Variants in PARP6 observed in about 807,000 individuals in gnomAD.
PARP6 encodes poly(ADP-ribose) polymerase family member 6, also known as protein mono-ADP-ribosyltransferase PARP6.
Under a neutral mutation model 92.0 loss-of-function variants are expected in PARP6, and 27 were observed. That is an observed-to-expected ratio of 0.29 (90% CI 0.22 to 0.40). The LOEUF (loss-of-function observed/expected upper bound fraction) is 0.40. PARP6 is among the 10% of genes least tolerant of loss of function. The pLI, the probability that PARP6 is intolerant of heterozygous loss-of-function variation, is 1.00. For synonymous variants in PARP6, 272 were observed against 281.2 expected (o/e 0.97, Z 0.33); for missense variants, 501 against 784.5 (o/e 0.64, Z 4.32).
chr15:72,264,615 G>A lies in PARP6; in HGVS notation c.335C>T (p.Ser112Phe), dbSNP rs2086324345. 11 of 1,613,540 alleles carry A rather than the reference G, an allele frequency of 6.8e-6. No homozygotes were observed. Among genetic ancestry groups the A allele is most frequent in the Non-Finnish European group, 8.5e-6 (10 of 1,179,654 alleles). Reference protein sequence around the residue: ...LSQYLDGPEPSIEVFQPSNKE... With the variant: ...LSQYLDGPEPFIEVFQPSNKE... ...ATTTGATGGCTGGAAAACCTCAATG[G>A]ATGGTTCTGCAAAGAGAAGAGAAGG... Residue 112 changes from serine (S) to phenylalanine (F), a missense_variant, in exon 8 of 24, where the codon TCC (serine) becomes TTC (phenylalanine). Physicochemically the swap from Ser to Phe is radical, Grantham distance 155. This residue lies in a region of PARP6 where 291 missense variants were observed against 352.0 expected (regional missense o/e 0.83). Coordinates refer to ENST00000569795, the MANE Select transcript of PARP6 (RefSeq NM_001323532.2).
intron 20 of PARP6, 28 bp downstream of exon 20, chr15:72,249,217 G>A (rs764693257): frequency 7.2e-7 from 1 of 1,390,692 alleles, no homozygotes; most frequent in East Asian, 2.3e-5. Context: ...TGTAAATAGA[G>A]TCAAGGTGGC....
chr15:72,242,045 G>A lies in PARP6; in HGVS notation c.1706-60C>T. On this transcript the variant is annotated intron_variant, in intron 22 of 23. Coordinates refer to ENST00000569795, the MANE Select transcript of PARP6 (RefSeq NM_001323532.2). The surrounding 1 kb of genome is among the most constrained non-coding windows in gnomAD (Gnocchi z 4.3). ...TGCTTAAGGCACAGAGTCCAGGCAG[G>A]AGAAGGAAGCCATGCCACTTCAACA... 6.1e-6 allele frequency: 9 copies of A among 1,478,012 alleles called. No individual in the cohort carries two copies. The highest frequency in any genetic ancestry group is 7.6e-6 in the Non-Finnish European group (8 of 1,055,920). The allele number at this position is 1,478,012 out of a possible 1,614,324, so 91.6% of individuals were successfully genotyped here.
intron 15 of PARP6, chr15:72,253,717 A>T (rs2084675986): frequency 5.9e-6 from 4 of 682,550 alleles, no homozygotes; most frequent in Non-Finnish European, 1.1e-5. Flanking sequence ...TGCTTACAAA[A>T]CAACATGCAG....
At chr15:72,246,144 A>G (rs2083574215) in intron 20 of PARP6, among the ~76,000 whole-genome samples, 1 of 152,038 alleles carries the variant, frequency 6.6e-6, no homozygotes, top group African/African-American at 2.4e-5. Flanking sequence ...TTCATAACAC[A>G]TTATTGTTTT....
chr15:72,262,424 T>G (rs530153436), intron 8 of PARP6, among the ~76,000 whole-genome samples: 1 of 152,364 alleles, frequency 6.6e-6, no homozygotes, highest in South Asian at 2.1e-4. Flanking sequence ...CCCTTCTACC[T>G]AAGATCAATC....
intron 2 of PARP6, among the ~76,000 whole-genome samples, chr15:72,268,921 G>C (rs2086975257): frequency 6.6e-6 from 1 of 152,032 alleles, no homozygotes. Context: ...TCCTATACCA[G>C]CAACTTTTAG....
Position 72,247,838 on chromosome 15 carries a change from A to C in PARP6, c.1561+1407T>G, listed in dbSNP as rs150665332. Among the ~76,000 whole-genome samples the C allele has an allele frequency of 5.9e-4, 90 of 151,552 alleles. No individual in the cohort carries two copies. The East Asian group carries it at 0.013, about 23-fold the overall frequency. On this transcript the variant is annotated intron_variant, in intron 20 of 23. Coordinates refer to ENST00000569795, the MANE Select transcript of PARP6 (RefSeq NM_001323532.2). ...TGCTTTGTTGTCTAGGCTGGAGTGC[A>C]CTGGTTTGATCTTGGCTGACTGCAG...
chr15:72,260,478 C>T lies in PARP6; in HGVS notation c.756G>A (p.Leu252=), dbSNP rs543267374. ...GTCAAACCCTCCCCAGCCCATGTAC[C>T]AAAGGAGAGGTCCGTGCTGGGGGAG... The part of the protein sequence containing the change: ...GLPPPARTSP[L]VSGHCKNIPT... The change falls in exon 10 of 24, where the codon TTG becomes TTA. Residue 252 remains leucine (L), a splice_region_variant and synonymous_variant. Coordinates refer to ENST00000569795, the MANE Select transcript of PARP6 (RefSeq NM_001323532.2). The T allele has an allele frequency of 2.2e-5, 35 of 1,612,642 alleles. No individual in the cohort carries two copies. The South Asian group carries it at 3.2e-4, about 15-fold the overall frequency.
intron 16 of PARP6, 70 bp downstream of exon 16, chr15:72,253,367 G>T (rs903473635): frequency 2.4e-6 from 3 of 1,225,478 alleles, no homozygotes; most frequent in African/African-American, 3.0e-5. Flanking sequence ...CTAAAAGAAG[G>T]TACAGGTTCC....
chr15:72,250,814 AC>A, intron 18 of PARP6, 30 bp downstream of exon 18: 1 of 820,918 alleles, frequency 1.2e-6, no homozygotes, highest in Non-Finnish European at 2.0e-6. Context: ...CCCCCTCACC[AC>A]CCCCACTGCC....
At chr15:72,257,935 G>C in intron 12 of PARP6, 102 bp downstream of exon 12, 1 of 839,638 alleles carries the variant, frequency 1.2e-6, no homozygotes, top group Non-Finnish European at 2.1e-6. Flanking sequence ...AGGGTGTACA[G>C]ACAGAATTTT....
Position 72,257,423 on chromosome 15 carries a change from A to G in PARP6, c.924T>C (p.Arg308=). The change falls in exon 13 of 24, where the codon CGT becomes CGC. Residue 308 remains arginine, a synonymous_variant. Coordinates refer to ENST00000569795, the MANE Select transcript of PARP6 (RefSeq NM_001323532.2). ...GSMLKPAVCT[R]ELCVFSFYTL... ...TGTAGAAGGAGAAAACGCATAGTTC[A>G]CGAGTACAGACAGCTGGCTGAAAGG... 6.2e-7 allele frequency: 1 copy of G among 1,613,950 alleles called. No homozygotes were observed. The highest frequency in any genetic ancestry group is 8.5e-7 in the Non-Finnish European group (1 of 1,179,860).
At chr15:72,247,366 T>C (rs1224685633) in intron 20 of PARP6, among the ~76,000 whole-genome samples, 1 of 152,024 alleles carries the variant, frequency 6.6e-6, no homozygotes, top group Non-Finnish European at 1.5e-5. Context: ...AGAGATGGGG[T>C]ATTGCCATGT....
At chr15:72,252,254 A>G (rs1027326926) in intron 16 of PARP6, among the ~76,000 whole-genome samples, 3 of 152,220 alleles carry the variant, frequency 2.0e-5, no homozygotes, top group Non-Finnish European at 4.4e-5. Context: ...GGATGCAAAG[A>G]AAACTTAGTT....
At position 72,261,539 on chromosome 15, in the gene PARP6, A is replaced by G. The variant is rs1006428129; in HGVS notation, c.545+19T>C. 5 of 1,612,088 alleles carry G rather than the reference A, an allele frequency of 3.1e-6. No individual in the cohort carries two copies. In the East Asian group the frequency reaches 8.9e-5, roughly 29 times the overall value. On this transcript the variant is annotated intron_variant, in intron 9 of 23. Coordinates refer to ENST00000569795, the MANE Select transcript of PARP6 (RefSeq NM_001323532.2). Reference sequence around the variant, plus strand: ...TATCACAAGGTGTTTACAGATGATCAGCTTTAGGGAGCACTTACTTGGGGA... The same window carrying G: ...TATCACAAGGTGTTTACAGATGATCGGCTTTAGGGAGCACTTACTTGGGGA...
intron 13 of PARP6, 65 bp downstream of exon 13, chr15:72,257,283 G>A: frequency 8.8e-7 from 1 of 1,133,178 alleles, no homozygotes; most frequent in Non-Finnish European, 1.3e-6. Flanking sequence ...TTCCAAGAAT[G>A]AAATTGCTGG....
chr15:72,247,974 T>C (rs1190306937), intron 20 of PARP6, among the ~76,000 whole-genome samples: 1 of 152,124 alleles, frequency 6.6e-6, no homozygotes, highest in East Asian at 1.9e-4. Context: ...TTTCACCATG[T>C]TGGCCAGGCT....
intron 8 of PARP6, among the ~76,000 whole-genome samples, chr15:72,261,982 A>C (rs1219436315): frequency 6.6e-6 from 1 of 152,188 alleles, no homozygotes; most frequent in Non-Finnish European, 1.5e-5. Context: ...GAGCCTTCAA[A>C]GGCTGCAAAC....
chr15:72,244,813 T>C (rs1412376231), intron 20 of PARP6: 1 of 152,308 alleles, frequency 6.6e-6, no homozygotes, highest in Non-Finnish European at 1.5e-5. Context: ...TAATATAGTG[T>C]ATTAGTCCAT....
Sources: gnomAD v4.1 joint callset for allele counts (sites outside exome capture counted in the v4.1 genomes callset) on GRCh38, gnomAD v4.1.1 for gene constraint, gnomAD v4.1.1 regional missense constraint, Gnocchi (gnomAD v3.1) non-coding constraint, MANE v1.5 for transcripts, NCBI Gene and HGNC (gene_info 2026-07-23, HGNC 2026-07-21) for gene names.